Variants in PDE1A observed in about 807,000 individuals in gnomAD.
PDE1A encodes the protein phosphodiesterase 1A.
Under a neutral mutation model 61.7 loss-of-function variants are expected in PDE1A, and 35 were observed. The observed-to-expected ratio is 0.57, with a 90% CI of 0.43 to 0.75. The LOEUF (loss-of-function observed/expected upper bound fraction) is 0.75, where lower values mean the gene tolerates loss of function less well. PDE1A is among the 30% of genes least tolerant of loss of function. PDE1A has a pLI of 0.00. For missense variants in PDE1A, 597 were observed against 630.6 expected (o/e 0.95, Z 0.57); for synonymous variants, 232 against 213.2 (o/e 1.09, Z -0.77).
intron 1 of PDE1A, among the ~76,000 whole-genome samples, chr2:182,289,757 T>C (rs1694402341): frequency 2.0e-5 from 3 of 152,144 alleles, no homozygotes; most frequent in Admixed American, 2.0e-4. Flanking sequence ...AAAATTCTCA[T>C]CTTCTCTTTT....
chr2:182,288,645 G>C (rs150256255), intron 1 of PDE1A, among the ~76,000 whole-genome samples: 1 of 152,112 alleles, frequency 6.6e-6, no homozygotes, highest in African/African-American at 2.4e-5. Flanking sequence ...AGTACAACTA[G>C]CTTGGGGGAA....
the PDE1A span, among the ~76,000 whole-genome samples, chr2:182,704,238 A>C: frequency 2.7e-5 from 4 of 150,838 alleles, no homozygotes; most frequent in East Asian, 1.9e-4. Context: ...AAAAAAAAAA[A>C]CTCAAGTTTT....
chr2:182,588,514 A>C, the PDE1A span, among the ~76,000 whole-genome samples: 1 of 152,212 alleles, frequency 6.6e-6, no homozygotes, highest in African/African-American at 2.4e-5. Flanking sequence ...TCTCAGCAAA[A>C]ATACACTCAA....
chr2:182,472,694 C>A (rs1210673510), intron 2 of PDE1A, among the ~76,000 whole-genome samples: 1 of 151,472 alleles, frequency 6.6e-6, no homozygotes, highest in East Asian at 1.9e-4. Flanking sequence ...GCACTTGTAC[C>A]CATGAATATA....
intron 2 of PDE1A, among the ~76,000 whole-genome samples, chr2:182,508,470 G>A (rs144983766): frequency 0.01 from 1,531 of 151,758 alleles, 18 homozygotes; most frequent in Middle Eastern, 0.034. Context: ...AATGAAAGGT[G>A]AGTTAGGTCG....
chr2:182,513,823 G>A (rs1354362016), intron 2 of PDE1A, among the ~76,000 whole-genome samples: 2 of 152,156 alleles, frequency 1.3e-5, no homozygotes, highest in African/African-American at 4.8e-5. Context: ...CAGAAATTAA[G>A]CCAACAATGA....
intron 1 of PDE1A, among the ~76,000 whole-genome samples, chr2:182,351,428 A>C (rs1698869911): frequency 6.6e-6 from 1 of 152,226 alleles, no homozygotes; most frequent in African/African-American, 2.4e-5. Flanking sequence ...CGAAAATTGT[A>C]GGCTGATTAG....
At position 182,234,209 on chromosome 2, in the gene PDE1A, C is replaced by CAT. The variant is rs112859012; in HGVS notation, c.417+221_417+222dup. 4.2e-3 allele frequency among the ~76,000 whole-genome samples: 640 copies of CAT among 152,060 alleles called. 7 individuals carry two copies. The highest frequency in any genetic ancestry group is 0.015 in the African/African-American group (619 of 41,488). ...ACACGTGTGTGTGCATACAAACATG[C>CAT]ATATATATATGTTGATATAGTTTGT... On this transcript the variant is annotated intron_variant, in intron 4 of 13. Coordinates refer to ENST00000351439, the Ensembl canonical transcript of PDE1A.
the PDE1A span, among the ~76,000 whole-genome samples, chr2:182,543,279 A>G: frequency 6.6e-6 from 1 of 152,266 alleles, no homozygotes; most frequent in South Asian, 2.1e-4. Flanking sequence ...TGGAAATGAA[A>G]TAAAACATAC....
the PDE1A span, among the ~76,000 whole-genome samples, chr2:182,560,077 T>A: frequency 7.3e-5 from 11 of 151,386 alleles, no homozygotes; most frequent in Middle Eastern, 6.8e-3. Context: ...TTTTTTTTTT[T>A]TATACTTTAA....
chr2:182,560,331 G>C, the PDE1A span, among the ~76,000 whole-genome samples: 5 of 150,430 alleles, frequency 3.3e-5, no homozygotes, highest in African/African-American at 4.9e-5. Flanking sequence ...TTTTGTCCTT[G>C]CGATAGTTTA....
At chr2:182,482,737 C>A (rs751718344) in intron 2 of PDE1A, among the ~76,000 whole-genome samples, 4 of 151,968 alleles carry the variant, frequency 2.6e-5, no homozygotes, top group Non-Finnish European at 5.9e-5. Flanking sequence ...TGGCACTGGT[C>A]TTGAAACCAG....
chr2:182,423,428 A>G (rs1014114174), intron 1 of PDE1A, among the ~76,000 whole-genome samples: 3 of 152,182 alleles, frequency 2.0e-5, no homozygotes, highest in Non-Finnish European at 4.4e-5. Flanking sequence ...TATCGTAGCC[A>G]GCTACAAAAT....
chr2:182,266,594 G>A (rs1166350028), intron 1 of PDE1A, among the ~76,000 whole-genome samples: 1 of 152,076 alleles, frequency 6.6e-6, no homozygotes. Flanking sequence ...ATTTGTTAGC[G>A]ATTTTCCCAC....
At chr2:182,615,517 C>T in the PDE1A span, among the ~76,000 whole-genome samples, 1 of 152,130 alleles carries the variant, frequency 6.6e-6, no homozygotes, top group Non-Finnish European at 1.5e-5. Flanking sequence ...AGCAATTTCC[C>T]TATTAAGATT....
intron 1 of PDE1A, among the ~76,000 whole-genome samples, chr2:182,424,554 A>G (rs1288894469): frequency 6.6e-6 from 1 of 152,168 alleles, no homozygotes; most frequent in Non-Finnish European, 1.5e-5. Context: ...TGCCTAAGAA[A>G]GGAGGCTGAC....
chr2:182,218,100 T>G (rs1180820750), intron 7 of PDE1A, among the ~76,000 whole-genome samples: 2 of 149,954 alleles, frequency 1.3e-5, no homozygotes, highest in African/African-American at 4.9e-5. Flanking sequence ...TAAAAAATGA[T>G]GAGTTCATGT....
chr2:182,188,486 G>A (rs912366195), intron 11 of PDE1A, among the ~76,000 whole-genome samples: 12 of 152,312 alleles, frequency 7.9e-5, no homozygotes, highest in Middle Eastern at 3.4e-3. Context: ...TGATAAGAAT[G>A]AATGTGGTTG....
intron 13 of PDE1A, among the ~76,000 whole-genome samples, chr2:182,147,458 T>C (rs1690556249): frequency 6.6e-6 from 1 of 152,194 alleles, no homozygotes; most frequent in Admixed American, 6.5e-5. Flanking sequence ...TCATGTTTTT[T>C]CTGAATATTT....
Sources: gnomAD v4.1 joint callset for allele counts (sites outside exome capture counted in the v4.1 genomes callset) on GRCh38, gnomAD v4.1.1 for gene constraint, MANE v1.5 for transcripts, NCBI Gene and HGNC (gene_info 2026-07-23, HGNC 2026-07-21) for gene names.